Variants in RANBP17 observed in about 807,000 individuals in gnomAD.
RANBP17 encodes ran-binding protein 17.
In RANBP17, 158 loss-of-function variants were observed where a neutral mutation model predicts 141.2. The observed-to-expected ratio is 1.12, with a 90% confidence interval of 0.98 to 1.28. The LOEUF (loss-of-function observed/expected upper bound fraction) is 1.28. RANBP17 is among the 50% of genes most tolerant of loss of function. The pLI, the probability that RANBP17 is intolerant of heterozygous loss-of-function variation, is 0.00. For missense variants in RANBP17, 1,438 were observed against 1,290.7 expected, an observed-to-expected ratio of 1.11 and a Z score of -1.75; for synonymous variants, 430 against 450.0, an observed-to-expected ratio of 0.96 and a Z score of 0.56.
intron 14 of RANBP17, among the ~76,000 whole-genome samples, chr5:170,974,067 C>T (rs377395484): frequency 3.3e-5 from 5 of 152,182 alleles, no homozygotes; most frequent in African/African-American, 7.2e-5. Flanking sequence ...ATGCAAAACA[C>T]GCCATTCCAT....
intron 14 of RANBP17, among the ~76,000 whole-genome samples, chr5:171,070,809 C>T (rs1196247547): frequency 6.6e-6 from 1 of 152,012 alleles, no homozygotes; most frequent in Non-Finnish European, 1.5e-5. Context: ...TCAGTGTATC[C>T]TCATCATAGT....
At chr5:171,122,305 A>G (rs143616075) in intron 14 of RANBP17, among the ~76,000 whole-genome samples, 1 of 152,268 alleles carries the variant, frequency 6.6e-6, no homozygotes, top group African/African-American at 2.4e-5. Context: ...GTCAACGAGC[A>G]TCAGGTGTCT....
chr5:171,040,779 A>T (rs910504703), intron 14 of RANBP17, among the ~76,000 whole-genome samples: 17 of 152,106 alleles, frequency 1.1e-4, no homozygotes, highest in Admixed American at 9.8e-4. Flanking sequence ...AGAAGAGGAA[A>T]CTAGTGAAGA....
At chr5:171,109,664 A>G (rs571952655) in intron 14 of RANBP17, among the ~76,000 whole-genome samples, 1 of 152,294 alleles carries the variant, frequency 6.6e-6, no homozygotes, top group South Asian at 2.1e-4. Flanking sequence ...ATGCTACGTA[A>G]ATACTTGTTA....
At position 171,213,737 on chromosome 5, in the gene RANBP17, A is replaced by C. The variant is rs770672284; in HGVS notation, c.2338A>C (p.Arg780=). The change falls in exon 21 of 28, where the codon AGA becomes CGA. Residue 780 remains arginine (R), a splice_region_variant and synonymous_variant. Transcript: ENST00000523189. ...ACTTATGGCAGAACTTATGCAAAAC[A>C]GGTAAGCAGTGTGACAGGCAGTGAG... ...LKLMAELMQN[R]SQRLNFDVSS... The C allele has an allele frequency of 1.2e-6, 2 of 1,604,146 alleles. No homozygotes were observed. Among genetic ancestry groups the C allele is most frequent in the Non-Finnish European group, 1.7e-6 (2 of 1,170,988 alleles).
chr5:170,878,141 G>T lies in RANBP17; in HGVS notation c.63G>T (p.Gly21=), dbSNP rs746789627. The T allele has an allele frequency of 6.2e-7, 1 of 1,612,406 alleles. No homozygotes were observed. Among genetic ancestry groups the T allele is most frequent in the East Asian group, 2.2e-5 (1 of 44,790 alleles). The change falls in exon 2 of 28, where the codon GGG becomes GGT. Residue 21 remains glycine, a synonymous_variant. Coordinates refer to ENST00000523189, the MANE Select transcript of RANBP17 (RefSeq NM_022897.5). ...LEVLCTHLYI[G]TDLTQRIEAE... ...TGTTATGTACTCATCTCTACATAGG[G>T]ACTGATCTTACACAAAGAATAGAGG...
chr5:171,048,478 C>A (rs889709002), intron 14 of RANBP17, among the ~76,000 whole-genome samples: 1 of 142,900 alleles, frequency 7.0e-6, no homozygotes, highest in East Asian at 2.0e-4. Flanking sequence ...CTACCCTTTT[C>A]TTTTTTTTTT....
chr5:171,192,855 A>AAGCC (rs1761737366), intron 18 of RANBP17, among the ~76,000 whole-genome samples: 2 of 152,192 alleles, frequency 1.3e-5, no homozygotes, highest in South Asian at 4.1e-4. Context: ...GACCTGCCTG[A>AAGCC]AGCCACAGGT....
intron 14 of RANBP17, among the ~76,000 whole-genome samples, chr5:171,152,262 A>G (rs1255628692): frequency 6.6e-6 from 1 of 151,410 alleles, no homozygotes; most frequent in African/African-American, 2.4e-5. Context: ...AAAAAAAAAA[A>G]GTAAAAAATT....
At position 170,972,491 on chromosome 5, in the gene RANBP17, A is replaced by C. The variant is rs558924417; in HGVS notation, c.1710+4114A>C. 1.3e-3 allele frequency among the ~76,000 whole-genome samples: 196 copies of C among 152,154 alleles called. 1 individual carries two copies. Among genetic ancestry groups the C allele is most frequent in the Non-Finnish European group, 1.6e-3 (108 of 67,962 alleles). On this transcript the variant is annotated intron_variant, in intron 14 of 27. Transcript: ENST00000523189. ...GAGCCACCACATCTGACCAGAATTC[A>C]TCTTTTTTTATTACCATTTTTGAGA...
In RANBP17 at chr5:170,993,626, G is replaced by T. The variant is rs1353606353; in HGVS notation, c.1710+25249G>T. ...TTAGGAAAGTTTTGACATTAAATGAGAGTGTATATGAAATAGTTGGCACAG... is the reference window on the plus strand; with the variant it reads ...TTAGGAAAGTTTTGACATTAAATGATAGTGTATATGAAATAGTTGGCACAG... On this transcript the variant is annotated intron_variant, in intron 14 of 27. Transcript: ENST00000523189. Among the ~76,000 whole-genome samples the T allele has an allele frequency of 3.9e-5, 6 of 152,064 alleles. No individual in the cohort carries two copies. In the East Asian group the frequency reaches 1.2e-3, roughly 29 times the overall value.
At chr5:171,098,386 A>G (rs1301928556) in intron 14 of RANBP17, among the ~76,000 whole-genome samples, 1 of 152,216 alleles carries the variant, frequency 6.6e-6, no homozygotes, top group Non-Finnish European at 1.5e-5. Context: ...TCTAATGACC[A>G]GCAATGATGA....
chr5:171,084,343 T>C (rs1345021479), intron 14 of RANBP17, among the ~76,000 whole-genome samples: 6 of 143,206 alleles, frequency 4.2e-5, no homozygotes, highest in African/African-American at 1.5e-4. Flanking sequence ...TGCCACATTT[T>C]CTTAATCCAG....
chr5:170,870,005 G>A (rs1335418697), intron 1 of RANBP17, among the ~76,000 whole-genome samples: 1 of 151,800 alleles, frequency 6.6e-6, no homozygotes, highest in Non-Finnish European at 1.5e-5. Context: ...CTATTTCTTG[G>A]CCTAATTCTT....
intron 14 of RANBP17, among the ~76,000 whole-genome samples, chr5:171,155,297 T>A (rs538528254): frequency 2.6e-4 from 39 of 151,748 alleles, no homozygotes; most frequent in African/African-American, 8.5e-4. Flanking sequence ...TAAAATTTTA[T>A]GAATGAGATG....
chr5:171,266,007 G>A (rs1766651141), intron 25 of RANBP17, among the ~76,000 whole-genome samples, 160 bp downstream of exon 25: 1 of 152,120 alleles, frequency 6.6e-6, no homozygotes, highest in South Asian at 2.1e-4. Context: ...AACGTGGAGG[G>A]AAAACACAGG....
At chr5:170,923,430 CT>C (rs1180604267) in intron 11 of RANBP17, among the ~76,000 whole-genome samples, 1 of 152,180 alleles carries the variant, frequency 6.6e-6, no homozygotes, top group African/African-American at 2.4e-5. Flanking sequence ...AGTATGAGTT[CT>C]TTAAGTGGCT....
chr5:170,878,271 A>G (rs200586458), intron 2 of RANBP17, 28 bp downstream of exon 2: 18 of 1,577,336 alleles, frequency 1.1e-5, no homozygotes, highest in Non-Finnish European at 1.5e-5. Context: ...ATGATTAACC[A>G]TGAAAGATCA....
intron 14 of RANBP17, among the ~76,000 whole-genome samples, chr5:171,031,138 G>C (rs1781524606): frequency 6.6e-6 from 1 of 151,900 alleles, no homozygotes; most frequent in African/African-American, 2.4e-5. Flanking sequence ...AGCAGGATGA[G>C]CTCTTAATCA....
Sources: gnomAD v4.1 joint callset for allele counts (sites outside exome capture counted in the v4.1 genomes callset) on GRCh38, gnomAD v4.1.1 for gene constraint, MANE v1.5 for transcripts, NCBI Gene and HGNC (gene_info 2026-07-23, HGNC 2026-07-21) for gene names.